The following SNTG1 variants were observed in gnomAD, a reference collection of about 807,000 sequenced individuals.
The protein encoded by SNTG1 is gamma-1-syntrophin.
SNTG1 carries 39 observed loss-of-function variants against 74.7 expected under a neutral mutation model. The ratio of observed to expected loss-of-function variants is 0.52; its 90% CI spans 0.40 to 0.68. The LOEUF (loss-of-function observed/expected upper bound fraction) is 0.68. SNTG1 is among the 30% of genes least tolerant of loss of function. The pLI is 0.00. For synonymous variants in SNTG1, 254 were observed against 217.1 expected (o/e 1.17, Z -1.49); for missense variants, 685 against 609.5 (o/e 1.12, Z -1.30).
chr8:50,776,975 G>C (rs1208064239), intron 18 of SNTG1, among the ~76,000 whole-genome samples: 1 of 151,722 alleles, frequency 6.6e-6, no homozygotes, highest in Non-Finnish European at 1.5e-5. Flanking sequence ...TCTCCTATAG[G>C]TAAGGTTTTA....
At chr8:50,604,955 C>T (rs2094802316) in intron 13 of SNTG1, among the ~76,000 whole-genome samples, 1 of 152,160 alleles carries the variant, frequency 6.6e-6, no homozygotes, top group Non-Finnish European at 1.5e-5. Context: ...CTTTAGTCAG[C>T]AGGTGATGAA....
intron 2 of SNTG1, among the ~76,000 whole-genome samples, chr8:50,228,825 T>A (rs1256022620): frequency 6.6e-6 from 1 of 151,768 alleles, no homozygotes; most frequent in Admixed American, 6.6e-5. Flanking sequence ...AATGCATACC[T>A]GTAGAAAGAA....
intron 12 of SNTG1, among the ~76,000 whole-genome samples, chr8:50,572,275 T>TATATAGAGAG (rs567247331): frequency 1.2e-3 from 175 of 148,368 alleles, no homozygotes; most frequent in African/African-American, 3.8e-3. Context: ...TATATATATA[T>TATATAGAGAG]AGAGAGAGAG....
upstream of SNTG1, among the ~76,000 whole-genome samples, chr8:49,910,415 C>T (rs988617870): frequency 2.0e-5 from 3 of 152,160 alleles, no homozygotes; most frequent in South Asian, 6.2e-4. Context: ...TCTGCAAGGG[C>T]GGGCGGTGTT....
chr8:50,703,171 C>T (rs2131522285), intron 15 of SNTG1, among the ~76,000 whole-genome samples: 1 of 152,244 alleles, frequency 6.6e-6, no homozygotes, highest in Middle Eastern at 3.4e-3. Flanking sequence ...TTTTACTTTA[C>T]AAAGTTAATT....
intron 17 of SNTG1, among the ~76,000 whole-genome samples, chr8:50,717,798 A>G (rs2095478445): frequency 6.6e-6 from 1 of 152,204 alleles, no homozygotes; most frequent in African/African-American, 2.4e-5. Flanking sequence ...TGAGACTTGC[A>G]TGATGAACCC....
chr8:50,626,621 G>A (rs114541764), intron 13 of SNTG1, among the ~76,000 whole-genome samples: 6,555 of 152,320 alleles, frequency 0.043, 242 homozygotes, highest in African/African-American at 0.095. Context: ...ATTGCCTCTG[G>A]CTAGTTACCT....
At chr8:50,145,659 C>G (rs1305820864) in intron 1 of SNTG1, among the ~76,000 whole-genome samples, 1 of 152,118 alleles carries the variant, frequency 6.6e-6, no homozygotes, top group Non-Finnish European at 1.5e-5. Flanking sequence ...GGATTAATAA[C>G]ACAAACTGAA....
At chr8:49,971,520 A>T (rs1474795595) in intron 1 of SNTG1, among the ~76,000 whole-genome samples, 1 of 152,064 alleles carries the variant, frequency 6.6e-6, no homozygotes, top group Non-Finnish European at 1.5e-5. Context: ...GCCAGGGCAA[A>T]TAGGCAGAAG....
intron 2 of SNTG1, among the ~76,000 whole-genome samples, chr8:50,229,145 T>G (rs1007092927): frequency 1.3e-5 from 2 of 151,428 alleles, no homozygotes; most frequent in African/African-American, 2.4e-5. Context: ...TGGATATGCT[T>G]GGAAAGGAGA....
chr8:50,229,966 C>T (rs1308542385), intron 2 of SNTG1, among the ~76,000 whole-genome samples: 1 of 151,524 alleles, frequency 6.6e-6, no homozygotes, highest in Non-Finnish European at 1.5e-5. Flanking sequence ...GATTAAACAA[C>T]ACACTTCTAA....
intron 2 of SNTG1, among the ~76,000 whole-genome samples, chr8:50,371,785 A>G (rs2131154630): frequency 6.6e-6 from 1 of 152,280 alleles, no homozygotes; most frequent in Admixed American, 6.5e-5. Context: ...TTATCGTTAC[A>G]TCATGTCCTA....
intron 2 of SNTG1, among the ~76,000 whole-genome samples, chr8:50,380,638 A>T (rs2092464387): frequency 6.6e-6 from 1 of 152,108 alleles, no homozygotes; most frequent in Non-Finnish European, 1.5e-5. Flanking sequence ...GCAGCTGGAG[A>T]GGTGCATATC....
At chr8:50,423,655 A>T (rs2093124745) in intron 4 of SNTG1, among the ~76,000 whole-genome samples, 1 of 152,240 alleles carries the variant, frequency 6.6e-6, no homozygotes, top group Non-Finnish European at 1.5e-5. Context: ...AACTATGAAG[A>T]AGGGTAGCTT....
chr8:50,662,761 C>T (rs1350848347), intron 15 of SNTG1, among the ~76,000 whole-genome samples: 1 of 151,258 alleles, frequency 6.6e-6, no homozygotes, highest in Non-Finnish European at 1.5e-5. Context: ...TAAAACATTA[C>T]CCTTTATGAG....
rs201728214 is a variant in SNTG1 at position 50,443,977 on chromosome 8, TA to T, written c.219+5389del. Among the ~76,000 whole-genome samples, 177 of 146,322 alleles carry T rather than the reference TA, an allele frequency of 1.2e-3. No homozygotes were observed. In the East Asian group the frequency reaches 0.021, roughly 17 times the overall value. Reference sequence around the variant, plus strand: ...GGTGAAACTCTGTCTCTACTAAAAATAAAAAAAAAAATTATCTGGGCATGGT... The same window carrying T: ...GGTGAAACTCTGTCTCTACTAAAAATAAAAAAAAAATTATCTGGGCATGGT... On this transcript the variant is annotated intron_variant, in intron 5 of 18. Coordinates refer to ENST00000642720, the MANE Select transcript of SNTG1 (RefSeq NM_018967.5).
At chr8:50,270,290 T>C (rs79765133) in intron 2 of SNTG1, among the ~76,000 whole-genome samples, 7,532 of 152,116 alleles carry the variant, frequency 0.05, 217 homozygotes, top group Middle Eastern at 0.099. Flanking sequence ...CACACAGAGA[T>C]GAAACAGGCT....
At chr8:50,370,034 C>T (rs1397926692) in intron 2 of SNTG1, among the ~76,000 whole-genome samples, 1 of 152,110 alleles carries the variant, frequency 6.6e-6, no homozygotes, top group Non-Finnish European at 1.5e-5. Context: ...TCCTAATCAA[C>T]CATTTATAAG....
intron 2 of SNTG1, among the ~76,000 whole-genome samples, chr8:50,234,491 A>G (rs1234558829): frequency 6.6e-6 from 1 of 151,954 alleles, no homozygotes; most frequent in Non-Finnish European, 1.5e-5. Context: ...TAAACATGCA[A>G]TAAAATGGCA....
Sources: gnomAD v4.1 joint callset for allele counts (sites outside exome capture counted in the v4.1 genomes callset) on GRCh38, gnomAD v4.1.1 for gene constraint, MANE v1.5 for transcripts, NCBI Gene and HGNC (gene_info 2026-07-23, HGNC 2026-07-21) for gene names.